Variants in ERBB2 observed in about 807,000 individuals in gnomAD.
The protein encoded by ERBB2 is erb-b2 receptor tyrosine kinase 2, also known as receptor tyrosine-protein kinase erbB-2.
In ERBB2, 61 loss-of-function variants were observed where a neutral mutation model predicts 149.0. The ratio of observed to expected loss-of-function variants is 0.41; its 90% confidence interval spans 0.33 to 0.51. ERBB2 has a LOEUF of 0.51. ERBB2 is among the 20% of genes least tolerant of loss of function. ERBB2 has a pLI of 0.25. For missense variants in ERBB2, 1,205 were observed against 1,655.1 expected (o/e 0.73, Z 4.72); for synonymous variants, 633 against 678.8 (o/e 0.93, Z 1.05).
intron 19 of ERBB2, among the ~76,000 whole-genome samples, chr17:39,724,272 A>ATTTTTTCTTTTTTT (rs547454526): frequency 1.3e-5 from 1 of 77,016 alleles, no homozygotes; most frequent in African/African-American, 4.6e-5. Context: ...GCGCCCGCTA[A>ATTTTTTCTTTTTTT]TTTTTTTTTT....
rs776236294 is a variant in ERBB2, at chr17:39,725,105, C to T, written c.2550C>T (p.Asn850=). The change falls in exon 21 of 27, where the codon AAC becomes AAT. Residue 850 remains asparagine (N), a synonymous_variant. Coordinates refer to ENST00000269571, the MANE Select transcript of ERBB2 (RefSeq NM_004448.4). This position sits in a 1 kb window ranked among gnomAD's most constrained non-coding sequence, Gnocchi z 4.6. Reference sequence around the variant, plus strand: ...TACACAGGGACTTGGCCGCTCGGAACGTGCTGGTCAAGAGTCCCAACCATG... The same window carrying T: ...TACACAGGGACTTGGCCGCTCGGAATGTGCTGGTCAAGAGTCCCAACCATG... The part of the protein sequence containing the change: ...RLVHRDLAAR[N]VLVKSPNHVK... 1.2e-5 allele frequency: 20 copies of T among 1,614,012 alleles called. No homozygotes were observed. Among genetic ancestry groups the T allele is most frequent in the Non-Finnish European group, 1.4e-5 (16 of 1,180,040 alleles).
upstream of ERBB2, among the ~76,000 whole-genome samples, chr17:39,691,942 T>TATATATAC (rs2057721495): frequency 5.0e-5 from 7 of 140,128 alleles, no homozygotes; most frequent in Admixed American, 4.9e-4. Context: ...TACATATATA[T>TATATATAC]ATATATATAT....
chr17:39,720,650 A>G (rs2059399000), intron 16 of ERBB2, among the ~76,000 whole-genome samples: 1 of 151,986 alleles, frequency 6.6e-6, no homozygotes, highest in Non-Finnish European at 1.5e-5. Flanking sequence ...AGGATGCACT[A>G]TCTTTTTTTT....
upstream of ERBB2, among the ~76,000 whole-genome samples, chr17:39,694,260 T>TATGTGTATATATATATATATACAC (rs2057797841): frequency 4.3e-5 from 1 of 23,498 alleles, no homozygotes; most frequent in African/African-American, 1.1e-4. Context: ...TATATATATA[T>TATGTGTATATATATATATATACAC]ATATATATGT....
At chr17:39,718,618 C>T (rs1043691193) in intron 15 of ERBB2, among the ~76,000 whole-genome samples, 1 of 151,934 alleles carries the variant, frequency 6.6e-6, no homozygotes, top group Non-Finnish European at 1.5e-5. Context: ...GCCAACATAG[C>T]GAGACCCCGT....
chr17:39,727,293 A>C lies in ERBB2; in HGVS notation c.3160-2A>C. On this transcript the variant is annotated splice_acceptor_variant, in intron 25 of 26. Coordinates refer to ENST00000269571, the MANE Select transcript of ERBB2 (RefSeq NM_004448.4). LOFTEE classifies it high-confidence loss of function. The surrounding 1 kb of genome is among the most constrained non-coding windows in gnomAD (Gnocchi z 4.3). ...CATCATGACTTTCTTTCTTGTCCCC[A>C]GAGTGGCGGTGGGGACCTGACACTA... The C allele has an allele frequency of 6.2e-7, 1 of 1,612,538 alleles. No individual in the cohort carries two copies. The highest frequency in any genetic ancestry group is 2.2e-5 in the East Asian group (1 of 44,864).
Position 39,718,963 on chromosome 17 carries a change from A to G in ERBB2, c.1899-824A>G, listed in dbSNP as rs993704419. On this transcript the variant is annotated intron_variant, in intron 15 of 26. Coordinates refer to ENST00000269571, the MANE Select transcript of ERBB2 (RefSeq NM_004448.4). The stretch of plus-strand genomic sequence containing the variant: ...AAAGACAACTAAATGAGAAAAATTA[A>G]AAGAATATGGATCCAGGCTGGGCAT... 2.0e-5 allele frequency among the ~76,000 whole-genome samples: 3 copies of G among 152,036 alleles called. No individual in the cohort carries two copies. The East Asian group carries it at 5.8e-4, about 29-fold the overall frequency.
intron 3 of ERBB2, 192 bp from the exon 4 acceptor site, chr17:39,709,126 C>T: frequency 1.5e-6 from 1 of 650,324 alleles, no homozygotes; most frequent in East Asian, 2.6e-5. Context: ...TCCTCCCTGG[C>T]TCTCGCTTTG....
intron 1 of ERBB2, among the ~76,000 whole-genome samples, chr17:39,703,729 AC>A (rs1203547742): frequency 3.9e-5 from 6 of 152,256 alleles, no homozygotes; most frequent in African/African-American, 1.4e-4. Context: ...AGGGTTCTCA[AC>A]TAAAGACCCT....
At chr17:39,710,551 T>C in intron 7 of ERBB2, 70 bp downstream of exon 7, 1 of 1,543,170 alleles carries the variant, frequency 6.5e-7, no homozygotes, top group Non-Finnish European at 8.9e-7. Flanking sequence ...TGGGAGCATA[T>C]GGGGAGCACT....
At chr17:39,706,230 C>T (rs1042749145) in intron 1 of ERBB2, among the ~76,000 whole-genome samples, 4 of 152,208 alleles carry the variant, frequency 2.6e-5, no homozygotes, top group Non-Finnish European at 5.9e-5. Context: ...AGTTTCGTGG[C>T]ACACATTCTG....
rs764551173 is a variant in ERBB2 at position 39,725,300 on chromosome 17, G to A, written c.2650-27G>A. 46 of 1,613,606 alleles carry A rather than the reference G, an allele frequency of 2.9e-5. No individual in the cohort carries two copies. The highest frequency in any genetic ancestry group is 4.0e-5 in the African/African-American group (3 of 74,876). On this transcript the variant is annotated intron_variant, in intron 21 of 26. Transcript: ENST00000269571. The surrounding 1 kb of genome is among the most constrained non-coding windows in gnomAD (Gnocchi z 4.6). Reference sequence around the variant, plus strand: ...GGCCACCTCCCCACAACACACAGTTGGAGGACTTCCTCTTCTGCCCTCCCA... The same window carrying A: ...GGCCACCTCCCCACAACACACAGTTAGAGGACTTCCTCTTCTGCCCTCCCA...
upstream of ERBB2, among the ~76,000 whole-genome samples, chr17:39,690,019 C>CAT (rs1023675876): frequency 7.9e-5 from 12 of 151,952 alleles, no homozygotes; most frequent in African/African-American, 2.7e-4. Flanking sequence ...AATAACTATA[C>CAT]ATATATATAA....
chr17:39,727,525 CCT>C lies in ERBB2; in HGVS notation c.3391_3392del (p.Leu1131AspfsTer7). ...CTGAGACTGATGGCTACGTTGCCCC[CCT>C]GACCTGCAGCCCCCAGCCTGGTATG... is the stretch of plus-strand genomic sequence containing the variant. ...PSETDGYVAP[L>X]TCSPQPEYVN... On this transcript the variant is annotated frameshift_variant, in exon 26 of 27. Transcript: ENST00000269571. LOFTEE classifies it high-confidence loss of function. This position sits in a 1 kb window ranked among gnomAD's most constrained non-coding sequence, Gnocchi z 4.3. 2 of 1,604,320 alleles carry C rather than the reference CCT, an allele frequency of 1.2e-6. No individual in the cohort carries two copies. The highest frequency in any genetic ancestry group is 8.5e-7 in the Non-Finnish European group (1 of 1,177,356).
chr17:39,698,246 G>A (rs2145241950), upstream of ERBB2, among the ~76,000 whole-genome samples: 1 of 151,568 alleles, frequency 6.6e-6, no homozygotes, highest in African/African-American at 2.4e-5. Context: ...TGACTGATAT[G>A]GAATAGAGTC....
At position 39,723,776 on chromosome 17, in the gene ERBB2, C is replaced by A; in HGVS notation, c.2208+116C>A. 1 of 1,503,274 alleles carries A rather than the reference C, an allele frequency of 6.7e-7. No individual in the cohort carries two copies. Among genetic ancestry groups the A allele is most frequent in the Non-Finnish European group, 9.0e-7 (1 of 1,107,990 alleles). The allele number at this position is 1,503,274 out of a possible 1,614,324, so 93.1% of individuals were successfully genotyped here. A position where few individuals can be genotyped will look rare whatever the true frequency, so the allele number is the denominator to read the frequency against. On this transcript the variant is annotated intron_variant, in intron 18 of 26. Coordinates refer to ENST00000269571, the MANE Select transcript of ERBB2 (RefSeq NM_004448.4). This position sits in a 1 kb window ranked among gnomAD's most constrained non-coding sequence, Gnocchi z 6.2. ...GCTGGAGGCAGTGTTTGGGGGAGGG[C>A]AGTTACAGCGGAGAAGGGAGCGGGG...
chr17:39,708,674 CAGA>C (rs2058609321), intron 3 of ERBB2, 140 bp downstream of exon 3: 2 of 643,412 alleles, frequency 3.1e-6, no homozygotes, highest in African/African-American at 3.7e-5. Flanking sequence ...AAGACGCCCT[CAGA>C]AGATTGGAAA....
At position 39,725,631 on chromosome 17, in the gene ERBB2, T is replaced by G; in HGVS notation, c.2726-76T>G. The G allele has an allele frequency of 1.3e-6, 2 of 1,491,142 alleles. No homozygotes were observed. The highest frequency in any genetic ancestry group is 1.8e-6 in the Non-Finnish European group (2 of 1,097,214). The allele number at this position is 1,491,142 out of a possible 1,614,324, so 92.4% of individuals were successfully genotyped here. A position where few individuals can be genotyped will look rare whatever the true frequency, so the allele number is the denominator to read the frequency against. ...CCTGCTACCTGCCATGATGCTAGAC[T>G]CCTGAGCAGAACCTCTGGCTCAGTA... On this transcript the variant is annotated intron_variant, in intron 22 of 26. Transcript: ENST00000269571. The surrounding 1 kb of genome is among the most constrained non-coding windows in gnomAD (Gnocchi z 4.6).
intron 3 of ERBB2, 115 bp downstream of exon 3, chr17:39,708,649 C>T: frequency 2.6e-6 from 2 of 772,766 alleles, no homozygotes; most frequent in Non-Finnish European, 2.1e-6. Flanking sequence ...TGGGCAGACG[C>T]AGGCAGAGCC....
Sources: gnomAD v4.1 joint callset for allele counts (sites outside exome capture counted in the v4.1 genomes callset) on GRCh38, gnomAD v4.1.1 for gene constraint, Gnocchi (gnomAD v3.1) non-coding constraint, MANE v1.5 for transcripts, NCBI Gene and HGNC (gene_info 2026-07-23, HGNC 2026-07-21) for gene names.